Variants in PKD1L1 observed in about 807,000 individuals in gnomAD.
The protein encoded by PKD1L1 is polycystin-1-like protein 1.
A neutral mutation model predicts 323.4 loss-of-function variants in PKD1L1; 236 were observed. The observed-to-expected ratio is 0.73, with a 90% CI of 0.66 to 0.81. The LOEUF (loss-of-function observed/expected upper bound fraction) is 0.81. PKD1L1 is among the 40% of genes least tolerant of loss of function. The probability of loss-of-function intolerance (pLI) is 0.00; values close to 1 mark genes in which losing one functional copy is unlikely to be tolerated. For synonymous variants in PKD1L1, 1,344 were observed against 1,335.0 expected, an observed-to-expected ratio of 1.01 and a Z score of -0.15; for missense variants, 3,320 against 3,508.0, an observed-to-expected ratio of 0.95 and a Z score of 1.35.
chr7:47,845,366 C>T (rs1362669233), intron 32 of PKD1L1, among the ~76,000 whole-genome samples: 1 of 152,198 alleles, frequency 6.6e-6, no homozygotes, highest in African/African-American at 2.4e-5. Context: ...TGACAGCCCT[C>T]CACAGCATGG....
rs1785471433 is a variant in PKD1L1, at chr7:47,836,987, C to T, written c.5877G>A (p.Val1959=). The change falls in exon 37 of 57, where the codon GTG becomes GTA. Residue 1959 remains valine, a synonymous_variant. Coordinates refer to ENST00000289672, the MANE Select transcript of PKD1L1 (RefSeq NM_138295.5). ...SRYLHTPRLT[V]SFSLLCVYAC... ...CGTAGACGCACAGCAGGGAGAAGGA[C>T]ACGGTGAGGCGCGGCGTGTGCAGGT... is the stretch of plus-strand genomic sequence containing the variant. The T allele has an allele frequency of 6.2e-7, 1 of 1,614,090 alleles. No homozygotes were observed. Among genetic ancestry groups the T allele is most frequent in the Admixed American group, 1.7e-5 (1 of 60,008 alleles).
rs2128738643 is a variant in PKD1L1 at position 47,843,035 on chromosome 7, G to A, written c.5372C>T (p.Ser1791Phe). 6.2e-7 allele frequency: 1 copy of A among 1,614,032 alleles called. No homozygotes were observed. The highest frequency in any genetic ancestry group is 8.5e-7 in the Non-Finnish European group (1 of 1,179,930). Residue 1791 changes from serine to phenylalanine, a missense_variant, in exon 34 of 57, where the codon TCC becomes TTC. Transcript: ENST00000289672. ...KAGYIFLQEA[S>F]LPGHQLYAVV... is the part of the protein sequence containing the mutation. ...CGCATATAGCTGATGGCCCGGCAGG[G>A]AAGCTTCTTGCAGAAAGATGTAACC...
chr7:47,797,364 G>A (rs1367734328), intron 54 of PKD1L1, among the ~76,000 whole-genome samples: 4 of 152,222 alleles, frequency 2.6e-5, no homozygotes, highest in Admixed American at 2.6e-4. Flanking sequence ...AAGCTTGTGT[G>A]TGTTATCATC....
intron 41 of PKD1L1, among the ~76,000 whole-genome samples, chr7:47,831,661 T>C (rs1446346180): frequency 6.6e-6 from 1 of 152,180 alleles, no homozygotes; most frequent in Non-Finnish European, 1.5e-5. Context: ...AGCTGGGACA[T>C]TGGTGCTCAC....
At position 47,839,126 on chromosome 7, in the gene PKD1L1, T is replaced by C. The variant is rs900170442; in HGVS notation, c.5769+320A>G. Among the ~76,000 whole-genome samples the C allele has an allele frequency of 2.0e-5, 3 of 152,106 alleles. No homozygotes were observed. Among genetic ancestry groups the C allele is most frequent in the South Asian group, 2.1e-4 (1 of 4,818 alleles). On this transcript the variant is annotated intron_variant, in intron 36 of 56. Coordinates refer to ENST00000289672, the MANE Select transcript of PKD1L1 (RefSeq NM_138295.5). The surrounding 1 kb of genome is among the most constrained non-coding windows in gnomAD (Gnocchi z 4.3). The stretch of plus-strand genomic sequence containing the variant: ...TTATCTAGGTTGTTTGGGACACACA[T>C]AGGGCACTGAAAAGTCTTTAATTAC...
rs1411475134 is a variant in PKD1L1, at chr7:47,855,033, T to C, written c.4708A>G (p.Arg1570Gly). The change falls in exon 30 of 57, where the codon AGG becomes GGG. Residue 1570 changes from arginine to glycine, a missense_variant. Transcript: ENST00000289672. ...EFGEEDGLDN[R>G]RNKTTFVLLR... is the part of the protein sequence containing the mutation. ...AATACAAATGTCGTTTTATTTCTCC[T>C]ATTATCCTGTCATCACAAAGAAAAC... is the stretch of plus-strand genomic sequence containing the variant. 6.2e-7 allele frequency: 1 copy of C among 1,611,708 alleles called. No homozygotes were observed. The highest frequency in any genetic ancestry group is 2.2e-5 in the East Asian group (1 of 44,876).
intron 33 of PKD1L1, among the ~76,000 whole-genome samples, chr7:47,843,874 A>G (rs948898803): frequency 2.0e-5 from 3 of 152,128 alleles, no homozygotes; most frequent in Non-Finnish European, 4.4e-5. Context: ...CCCATCCCCT[A>G]GCATTCTGCT....
Position 47,894,055 on chromosome 7 carries a change from T to C in PKD1L1, c.2276A>G (p.Gln759Arg). 1 of 1,557,752 alleles carries C rather than the reference T, an allele frequency of 6.4e-7. No homozygotes were observed. The highest frequency in any genetic ancestry group is 1.4e-5 in the African/African-American group (1 of 73,266). ...YGNYTALAKV[Q>R]IEGSVVYSNY... ...GCTGTACACCACACTGCCTTCAATCTGAACCTGCAGGGGCAAGGAAGGACA... is the reference window on the plus strand; with the variant it reads ...GCTGTACACCACACTGCCTTCAATCCGAACCTGCAGGGGCAAGGAAGGACA... Residue 759 changes from glutamine to arginine, a missense_variant, in exon 15 of 57, where the codon CAG becomes CGG. Transcript: ENST00000289672.
At chr7:47,795,278 T>C (rs1584947360) in intron 55 of PKD1L1, 2 of 446,184 alleles carry the variant, frequency 4.5e-6, no homozygotes, top group Admixed American at 4.9e-5. Context: ...TAGGGGCTGG[T>C]CTTTCTCATG....
Position 47,891,803 on chromosome 7 carries a change from G to A in PKD1L1, c.2454-1040C>T, listed in dbSNP as rs116766355. On this transcript the variant is annotated intron_variant, in intron 15 of 56. Coordinates refer to ENST00000289672, the MANE Select transcript of PKD1L1 (RefSeq NM_138295.5). ...GCACTGTGCAGGTGCTAGGGCATGC[G>A]GATGTGAAGATGAGTAAGACACAGC... Among the ~76,000 whole-genome samples the A allele has an allele frequency of 7.5e-3, 1,147 of 152,304 alleles. 21 individuals carry two copies. The highest frequency in any genetic ancestry group is 0.026 in the African/African-American group (1,079 of 41,540).
intron 39 of PKD1L1, among the ~76,000 whole-genome samples, chr7:47,834,717 T>C (rs1200642345): frequency 6.6e-6 from 1 of 152,176 alleles, no homozygotes; most frequent in African/African-American, 2.4e-5. Context: ...CCTACTTTAC[T>C]TAGCTGGTGA....
chr7:47,838,954 A>T (rs1785512326), intron 36 of PKD1L1, among the ~76,000 whole-genome samples: 2 of 151,636 alleles, frequency 1.3e-5, no homozygotes, highest in Non-Finnish European at 2.9e-5. Flanking sequence ...ATGTGTTTGT[A>T]TATAGGGAAA....
chr7:47,832,188 C>G (rs535810730), intron 41 of PKD1L1, among the ~76,000 whole-genome samples: 2 of 152,158 alleles, frequency 1.3e-5, no homozygotes, highest in Non-Finnish European at 2.9e-5. Flanking sequence ...GAGCTGTGGC[C>G]GGGACAGTGG....
chr7:47,854,634 G>A (rs1785856460), intron 30 of PKD1L1, among the ~76,000 whole-genome samples: 1 of 152,188 alleles, frequency 6.6e-6, no homozygotes, highest in Admixed American at 6.5e-5. Context: ...AAATGAGACT[G>A]TATGCATTAT....
At chr7:47,914,734 T>C (rs1434065071) in intron 8 of PKD1L1, among the ~76,000 whole-genome samples, 2 of 151,570 alleles carry the variant, frequency 1.3e-5, no homozygotes, top group African/African-American at 4.8e-5. Flanking sequence ...TCCCTCTCTT[T>C]CTCTCTCTCT....
At chr7:47,855,814 TG>T (rs1785888899) in intron 28 of PKD1L1, among the ~76,000 whole-genome samples, 1 of 80,346 alleles carries the variant, frequency 1.2e-5, no homozygotes, top group East Asian at 2.6e-4. Context: ...AGGCGGAGCT[TG>T]CAGTGAGCCG....
In PKD1L1 at chr7:47,839,373, C is replaced by T. The variant is rs969368629; in HGVS notation, c.5769+73G>A. On this transcript the variant is annotated intron_variant, in intron 36 of 56. Coordinates refer to ENST00000289672, the MANE Select transcript of PKD1L1 (RefSeq NM_138295.5). The surrounding 1 kb of genome is among the most constrained non-coding windows in gnomAD (Gnocchi z 4.3). The stretch of plus-strand genomic sequence containing the variant: ...AGTTCAAAGACACAACTGTGGCAAG[C>T]GAAGCAGAGACAGGTGCCATGCTCT... The T allele has an allele frequency of 1.6e-5, 20 of 1,270,996 alleles. No homozygotes were observed. Among genetic ancestry groups the T allele is most frequent in the African/African-American group, 2.9e-5 (2 of 68,010 alleles). 78.7% of individuals were successfully genotyped at this position (1,270,996 alleles called of 1,614,324 possible). A position where few individuals can be genotyped will look rare whatever the true frequency, so the allele number is the denominator to read the frequency against.
chr7:47,777,244 T>A (rs1407008227), intron 56 of PKD1L1, among the ~76,000 whole-genome samples: 8 of 152,232 alleles, frequency 5.3e-5, no homozygotes, highest in African/African-American at 1.4e-4. Context: ...ATCATGATAA[T>A]TCCATTTCAC....
At chr7:47,855,833 G>T (rs1484916691) in intron 28 of PKD1L1, among the ~76,000 whole-genome samples, 5 of 70,140 alleles carry the variant, frequency 7.1e-5, no homozygotes, top group African/African-American at 3.6e-4. Context: ...CCGAGATCCC[G>T]CCACTGCACT....
Sources: allele counts gnomAD v4.1 joint callset (sites outside exome capture counted in the v4.1 genomes callset), GRCh38; gene constraint gnomAD v4.1.1; non-coding constraint Gnocchi (gnomAD v3.1); transcripts MANE v1.5; gene names NCBI Gene and HGNC (gene_info 2026-07-23, HGNC 2026-07-21).